The following ADGRL3 variants were observed in gnomAD, a reference collection of about 807,000 sequenced individuals.
ADGRL3 encodes adhesion G protein-coupled receptor L3.
Under a neutral mutation model 153.5 loss-of-function variants are expected in ADGRL3, and 62 were observed. The observed-to-expected ratio is 0.40, with a 90% CI of 0.33 to 0.50. The LOEUF (loss-of-function observed/expected upper bound fraction) is 0.50. ADGRL3 is among the 20% of genes least tolerant of loss of function. The pLI is 0.47. For synonymous variants in ADGRL3, 710 were observed against 672.5 expected (o/e 1.06, Z -0.86); for missense variants, 1,641 against 1,859.4 (o/e 0.88, Z 2.16).
At chr4:61,688,488 C>T (rs1396091107) in intron 6 of ADGRL3, among the ~76,000 whole-genome samples, 1 of 152,064 alleles carries the variant, frequency 6.6e-6, no homozygotes, top group African/African-American at 2.4e-5. Context: ...AATCAATTTA[C>T]AGAGTTTCTG....
At chr4:61,354,252 A>G (rs1393311644) in intron 1 of ADGRL3, among the ~76,000 whole-genome samples, 1 of 152,166 alleles carries the variant, frequency 6.6e-6, no homozygotes, top group Non-Finnish European at 1.5e-5. Context: ...AAGATTAGGG[A>G]TGGGATCCTT....
At chr4:61,875,251 G>C (rs544770055) in intron 9 of ADGRL3, among the ~76,000 whole-genome samples, 1 of 152,222 alleles carries the variant, frequency 6.6e-6, no homozygotes, top group Admixed American at 6.5e-5. Context: ...TGGGGTTGGA[G>C]GATTGAGGAA....
At chr4:61,400,565 C>G (rs1465023368) in intron 2 of ADGRL3, among the ~76,000 whole-genome samples, 1 of 151,798 alleles carries the variant, frequency 6.6e-6, no homozygotes, top group Non-Finnish European at 1.5e-5. Flanking sequence ...GTAGTCACAG[C>G]TCTTTATTCC....
chr4:61,465,672 C>A (rs979131537), intron 2 of ADGRL3, among the ~76,000 whole-genome samples: 1 of 148,982 alleles, frequency 6.7e-6, no homozygotes, highest in African/African-American at 2.4e-5. Flanking sequence ...ATTAATTTTT[C>A]TGTTGATAAG....
chr4:61,968,691 C>T (rs2099015578), intron 17 of ADGRL3, among the ~76,000 whole-genome samples: 1 of 152,088 alleles, frequency 6.6e-6, no homozygotes, highest in South Asian at 2.1e-4. Flanking sequence ...CATTATAAAA[C>T]CGCAATATCA....
chr4:61,541,512 G>C (rs904244), intron 4 of ADGRL3, among the ~76,000 whole-genome samples: 18 of 152,076 alleles, frequency 1.2e-4, no homozygotes, highest in African/African-American at 3.9e-4. Context: ...GAAAGAATTA[G>C]AAATGAAGTA....
chr4:61,438,069 G>T (rs1171877952), intron 2 of ADGRL3, among the ~76,000 whole-genome samples: 1 of 152,072 alleles, frequency 6.6e-6, no homozygotes, highest in East Asian at 1.9e-4. Context: ...CTCCTCAGGG[G>T]CTGGCAACTT....
intron 5 of ADGRL3, among the ~76,000 whole-genome samples, chr4:61,657,000 C>T (rs2094458662): frequency 6.6e-6 from 1 of 152,166 alleles, no homozygotes; most frequent in Non-Finnish European, 1.5e-5. Flanking sequence ...CTTCAGTTTG[C>T]ACACTCTTGC....
At chr4:61,291,772 G>A (rs540107503) in intron 1 of ADGRL3, among the ~76,000 whole-genome samples, 1 of 149,738 alleles carries the variant, frequency 6.7e-6, no homozygotes, top group Non-Finnish European at 1.5e-5. Context: ...AAAAACTGCT[G>A]TTGAGACAGA....
At chr4:61,584,788 C>T (rs2098939776) in intron 4 of ADGRL3, among the ~76,000 whole-genome samples, 1 of 151,794 alleles carries the variant, frequency 6.6e-6, no homozygotes, top group Non-Finnish European at 1.5e-5. Context: ...ACAAAATCAC[C>T]TCTATGATTC....
chr4:61,479,475 G>A (rs2098108339), intron 2 of ADGRL3, among the ~76,000 whole-genome samples: 1 of 151,896 alleles, frequency 6.6e-6, no homozygotes, highest in Admixed American at 6.6e-5. Context: ...CCCAATATAG[G>A]GTCTCTGCCC....
At chr4:61,361,212 T>C (rs2096277088) in intron 1 of ADGRL3, among the ~76,000 whole-genome samples, 1 of 152,170 alleles carries the variant, frequency 6.6e-6, no homozygotes, top group African/African-American at 2.4e-5. Flanking sequence ...CTCTCATTTC[T>C]TACATTTATA....
intron 4 of ADGRL3, among the ~76,000 whole-genome samples, chr4:61,522,070 C>T (rs1233420288): frequency 3.9e-5 from 6 of 152,130 alleles, no homozygotes; most frequent in Non-Finnish European, 7.4e-5. Context: ...GTTCCTTCTA[C>T]TTCCCAGTAA....
intron 1 of ADGRL3, among the ~76,000 whole-genome samples, chr4:61,326,403 T>C (rs936785913): frequency 1.3e-5 from 2 of 152,074 alleles, no homozygotes; most frequent in Non-Finnish European, 2.9e-5. Flanking sequence ...GTTCTTAAGT[T>C]TTTCTTTTAA....
intron 2 of ADGRL3, among the ~76,000 whole-genome samples, chr4:61,402,244 G>A (rs1342677776): frequency 6.6e-6 from 1 of 152,026 alleles, no homozygotes; most frequent in Non-Finnish European, 1.5e-5. Flanking sequence ...GTCCTGTTTT[G>A]TACAGGAAGG....
chr4:61,926,226 A>G (rs897238115), intron 13 of ADGRL3, among the ~76,000 whole-genome samples: 2 of 152,222 alleles, frequency 1.3e-5, no homozygotes, highest in Admixed American at 6.5e-5. Flanking sequence ...TACATGGTCC[A>G]TTATTGAGCA....
intron 8 of ADGRL3, among the ~76,000 whole-genome samples, chr4:61,753,786 C>T (rs764271409): frequency 1.1e-4 from 16 of 152,186 alleles, no homozygotes; most frequent in Non-Finnish European, 2.2e-4. Flanking sequence ...CCCCATTAAA[C>T]TTTTCCTCAT....
intron 5 of ADGRL3, among the ~76,000 whole-genome samples, chr4:61,599,677 G>T (rs2099003018): frequency 6.6e-6 from 1 of 152,116 alleles, no homozygotes; most frequent in South Asian, 2.1e-4. Context: ...AAGCTGGAGG[G>T]ACAGATAGAG....
rs116170992 is a variant in ADGRL3 at position 61,618,185 on chromosome 4, G to T, written c.473+30745G>T. Among the ~76,000 whole-genome samples, 263 of 152,278 alleles carry T rather than the reference G, an allele frequency of 1.7e-3. 2 individuals are homozygous for T. The highest frequency in any genetic ancestry group is 6.0e-3 in the African/African-American group (249 of 41,558). On this transcript the variant is annotated intron_variant, in intron 5 of 26. Transcript: ENST00000683033. Reference sequence around the variant, plus strand: ...TCTGAAAAAGATGCTGCCTTGAAAAGTAAGTGGGTATGAATGTTTTCTAAT... The same window carrying T: ...TCTGAAAAAGATGCTGCCTTGAAAATTAAGTGGGTATGAATGTTTTCTAAT...
Sources: gnomAD v4.1 joint callset for allele counts (sites outside exome capture counted in the v4.1 genomes callset) on GRCh38, gnomAD v4.1.1 for gene constraint, MANE v1.5 for transcripts, NCBI Gene and HGNC (gene_info 2026-07-23, HGNC 2026-07-21) for gene names.